Variants in TADA1 observed in about 807,000 individuals in gnomAD.
The protein encoded by TADA1 is transcriptional adaptor 1.
In TADA1, 23 loss-of-function variants were observed where a neutral mutation model predicts 39.3. The ratio of observed to expected loss-of-function variants is 0.58; its 90% CI spans 0.42 to 0.83. TADA1 has a LOEUF of 0.83. Ranked by LOEUF, TADA1 falls within the 40% of genes least tolerant of loss-of-function variation. TADA1 has a pLI of 0.00. For synonymous variants in TADA1, 137 were observed against 151.8 expected, an observed-to-expected ratio of 0.90 and a Z score of 0.72; for missense variants, 352 against 408.1, an observed-to-expected ratio of 0.86 and a Z score of 1.18.
intron 1 of TADA1, among the ~76,000 whole-genome samples, chr1:166,873,503 C>G (rs1317724134): frequency 6.7e-6 from 1 of 149,546 alleles, no homozygotes; most frequent in African/African-American, 2.5e-5. Context: ...GTGCATAACC[C>G]TGTATGTTTT....
In TADA1 at chr1:166,869,830, C is replaced by A; in HGVS notation, c.99G>T (p.Trp33Cys). The A allele has an allele frequency of 6.2e-7, 1 of 1,613,960 alleles. No individual in the cohort carries two copies. The highest frequency in any genetic ancestry group is 8.5e-7 in the Non-Finnish European group (1 of 1,180,002). Residue 33 changes from tryptophan to cysteine, a missense_variant, in exon 2 of 8, where the codon TGG becomes TGT. Physicochemically the swap from Trp to Cys is radical, Grantham distance 215 (BLOSUM62 -2). Coordinates refer to ENST00000367874, the MANE Select transcript of TADA1 (RefSeq NM_053053.4). ...CCTCTTTGCTGATCTTCTGCTTGAA[C>A]CACAGCTTTAGGTTAGCCCAGTATC... ...VKQYWANLKLWFKQKISKEEF... is the reference protein window; with the variant it reads ...VKQYWANLKLCFKQKISKEEF...
At chr1:166,869,654 C>CTTAT in intron 2 of TADA1, 109 bp downstream of exon 2, 1 of 1,410,182 alleles carries the variant, frequency 7.1e-7, no homozygotes. Flanking sequence ...TTAAGATAAC[C>CTTAT]TTATACACCA....
At chr1:166,861,080 A>G (rs1169556360) in intron 5 of TADA1, among the ~76,000 whole-genome samples, 1 of 152,210 alleles carries the variant, frequency 6.6e-6, no homozygotes, top group Non-Finnish European at 1.5e-5. Context: ...CTCTCTCAAA[A>G]GCCACATAAA....
rs761995627 is a variant in TADA1, at chr1:166,867,585, ATTT to A, written c.232+1857_232+1859del. Reference sequence around the variant, plus strand: ...CGAGGTGTTAGGAGATCTTATGTGAATTTTTTTTTTTTTTTTTTAAACACAGTT... The same window carrying A: ...CGAGGTGTTAGGAGATCTTATGTGAATTTTTTTTTTTTTTTAAACACAGTT... On this transcript the variant is annotated intron_variant, in intron 3 of 7. Transcript: ENST00000367874. Among the ~76,000 whole-genome samples, 1,260 of 141,938 alleles carry A rather than the reference ATTT, an allele frequency of 8.9e-3. 11 individuals carry two copies. Among genetic ancestry groups the A allele is most frequent in the African/African-American group, 0.025 (964 of 38,734 alleles). The allele number at this position is 141,938 out of a possible 152,430, so 93.1% of individuals were successfully genotyped here.
chr1:166,858,281 G>A lies in TADA1; in HGVS notation c.693C>T (p.Ser231=), dbSNP rs1480650216. ...CACAGGGAGCAGTAAAAGCTGGAGG[G>A]CTGAAAATAAAAATTTCAGAAATAG... ...SVVAYNNLIE[S]PPAFTAPCAG... The change falls in exon 7 of 8, where the codon AGC becomes AGT. Residue 231 remains serine, a splice_region_variant and synonymous_variant. Transcript: ENST00000367874. The A allele has an allele frequency of 1.3e-6, 2 of 1,534,960 alleles. No homozygotes were observed. Among genetic ancestry groups the A allele is most frequent in the Admixed American group, 4.5e-5 (2 of 44,448 alleles).
chr1:166,860,678 CTT>C (rs540967546), intron 5 of TADA1, among the ~76,000 whole-genome samples: 14 of 149,142 alleles, frequency 9.4e-5, no homozygotes, highest in Non-Finnish European at 1.9e-4. Flanking sequence ...ACAAAAATGA[CTT>C]TTTTTTTTAG....
chr1:166,869,440 CT>C lies in TADA1; in HGVS notation c.232+4del, dbSNP rs759363860. ...CACACACTGGAAGTATTTCCACTCC[CT>C]TACCTGGTGTAGAAACCAAAATCTG... is the stretch of plus-strand genomic sequence containing the variant. On this transcript the variant is annotated splice_donor_region_variant and intron_variant, in intron 3 of 7. Transcript: ENST00000367874. The C allele has an allele frequency of 1.2e-6, 2 of 1,611,290 alleles. No homozygotes were observed. Among genetic ancestry groups the C allele is most frequent in the East Asian group, 4.5e-5 (2 of 44,806 alleles).
rs767539962 is a variant in TADA1, at chr1:166,876,178, A to T, written c.56T>A (p.Leu19Gln). 20 of 1,613,430 alleles carry T rather than the reference A, an allele frequency of 1.2e-5. No individual in the cohort carries two copies. The highest frequency in any genetic ancestry group is 1.5e-5 in the Non-Finnish European group (18 of 1,179,828). Residue 19 changes from leucine (L) to glutamine (Q), a missense_variant, in exon 1 of 8, where the codon CTG becomes CAG. Transcript: ENST00000367874. ...EAAKKNLSEA[L>Q]GDNVKQYWAN... is the part of the protein sequence containing the mutation. Reference sequence around the variant, plus strand: ...CTCTTACTGTTTCACGTTGTCCCCCAGGGCCTCGCTTAAGTTCTTCTTGGC... The same window carrying T: ...CTCTTACTGTTTCACGTTGTCCCCCTGGGCCTCGCTTAAGTTCTTCTTGGC...
chr1:166,857,657 C>T lies in TADA1; in HGVS notation c.918G>A (p.Thr306=), dbSNP rs150904302. ...VYALNIERII[T]KLWHPNHEEL... is the part of the protein sequence containing the mutation. ...CTTCATGATTTGGATGCCAGAGTTT[C>T]GTGATGATCCTTTCAATGTTAAGAG... Residue 306 remains threonine, a synonymous_variant, in exon 8 of 8, where the codon ACG becomes ACA. Coordinates refer to ENST00000367874, the MANE Select transcript of TADA1 (RefSeq NM_053053.4). The T allele has an allele frequency of 3.3e-4, 534 of 1,614,160 alleles. 1 individual carries two copies. The African/African-American group carries it at 5.0e-3, about 15-fold the overall frequency.
chr1:166,871,834 C>CA (rs937231612), intron 1 of TADA1, among the ~76,000 whole-genome samples: 6 of 151,046 alleles, frequency 4.0e-5, no homozygotes, highest in African/African-American at 9.7e-5. Flanking sequence ...CCAACAACAA[C>CA]AAAAAAAATA....
At chr1:166,873,983 G>A (rs1037708273) in intron 1 of TADA1, among the ~76,000 whole-genome samples, 5 of 151,740 alleles carry the variant, frequency 3.3e-5, no homozygotes, top group Non-Finnish European at 5.9e-5. Context: ...GTATGTAAAC[G>A]TTTGCTTTCA....
intron 1 of TADA1, among the ~76,000 whole-genome samples, chr1:166,872,393 C>T (rs1004648477): frequency 6.6e-6 from 1 of 152,108 alleles, no homozygotes; most frequent in Non-Finnish European, 1.5e-5. Context: ...ATCTGCAGGC[C>T]GGGCGCGGTG....
intron 3 of TADA1, among the ~76,000 whole-genome samples, chr1:166,867,871 C>T (rs530463422): frequency 6.6e-6 from 1 of 152,276 alleles, no homozygotes; most frequent in Admixed American, 6.5e-5. Context: ...TGAGCCACCA[C>T]GCCCTGGCTT....
chr1:166,858,965 T>G (rs1455117634), intron 6 of TADA1, among the ~76,000 whole-genome samples: 2 of 152,222 alleles, frequency 1.3e-5, no homozygotes, highest in Admixed American at 6.5e-5. Context: ...CAGAGAGGGC[T>G]TGGGAGTCCC....
intron 3 of TADA1, among the ~76,000 whole-genome samples, chr1:166,864,800 G>T (rs1004437005): frequency 1.2e-4 from 19 of 152,172 alleles, no homozygotes; most frequent in Non-Finnish European, 2.1e-4. Flanking sequence ...AAGTCAGGGG[G>T]TTAGAAGGAA....
rs1396673512 is a variant in TADA1, at chr1:166,869,487, G to A, written c.190C>T (p.Leu64=). ...ATCTGACAACGCGTGAGAATGGCCA[G>A]GAGGAAATCATTGTGAGAATGGACT... is the stretch of plus-strand genomic sequence containing the variant. ...DNVHSHNDFL[L]AILTRCQILV... Residue 64 remains leucine (L), a synonymous_variant, in exon 3 of 8, where the codon CTG becomes TTG. Transcript: ENST00000367874. 2 of 1,613,796 alleles carry A rather than the reference G, an allele frequency of 1.2e-6. No homozygotes were observed. Among genetic ancestry groups the A allele is most frequent in the Non-Finnish European group, 8.5e-7 (1 of 1,179,792 alleles).
At chr1:166,865,255 A>T (rs1459937870) in intron 3 of TADA1, among the ~76,000 whole-genome samples, 1 of 152,200 alleles carries the variant, frequency 6.6e-6, no homozygotes, top group Non-Finnish European at 1.5e-5. Context: ...CAAAGAGTTC[A>T]GGAAATCTCA....
Position 166,859,362 on chromosome 1 carries a change from C to T in TADA1, c.692+824G>A, listed in dbSNP as rs199860799. On this transcript the variant is annotated intron_variant, in intron 6 of 7. Transcript: ENST00000367874. ...CTTGCAAGTCCCAGTTATCTCTTTA[C>T]CTCTCTTCTCCCAAACTAACCAGAT... is the stretch of plus-strand genomic sequence containing the variant. Among the ~76,000 whole-genome samples, 4 of 152,206 alleles carry T rather than the reference C, an allele frequency of 2.6e-5. No homozygotes were observed. The East Asian group carries it at 7.7e-4, about 29-fold the overall frequency.
chr1:166,869,442 T>C lies in TADA1; in HGVS notation c.232+3A>G. 6.2e-7 allele frequency: 1 copy of C among 1,611,462 alleles called. No homozygotes were observed. Among genetic ancestry groups the C allele is most frequent in the Non-Finnish European group, 8.5e-7 (1 of 1,177,742 alleles). On this transcript the variant is annotated splice_donor_region_variant and intron_variant, in intron 3 of 7. Transcript: ENST00000367874. ...CACACTGGAAGTATTTCCACTCCCTTACCTGGTGTAGAAACCAAAATCTGA... is the reference window on the plus strand; with the variant it reads ...CACACTGGAAGTATTTCCACTCCCTCACCTGGTGTAGAAACCAAAATCTGA...
Sources: gnomAD v4.1 joint callset for allele counts (sites outside exome capture counted in the v4.1 genomes callset) on GRCh38, gnomAD v4.1.1 for gene constraint, MANE v1.5 for transcripts, NCBI Gene and HGNC (gene_info 2026-07-23, HGNC 2026-07-21) for gene names.